The following DCC variants were observed in gnomAD, a reference collection of about 807,000 sequenced individuals.
DCC encodes netrin receptor DCC.
In DCC, 58 loss-of-function variants were observed where a neutral mutation model predicts 172.5. The ratio of observed to expected loss-of-function variants is 0.34; its 90% CI spans 0.27 to 0.42. The LOEUF is 0.42. Ranked by LOEUF, DCC falls within the 10% of genes least tolerant of loss-of-function variation. The probability of loss-of-function intolerance (pLI) is 1.00; values close to 1 mark genes in which losing one functional copy is unlikely to be tolerated. For missense variants in DCC, 1,740 were observed against 1,791.0 expected (o/e 0.97, Z 0.51); for synonymous variants, 709 against 644.5 (o/e 1.10, Z -1.52).
chr18:52,787,775 C>G (rs1207533579), intron 2 of DCC, among the ~76,000 whole-genome samples: 3 of 151,952 alleles, frequency 2.0e-5, no homozygotes, highest in African/African-American at 7.3e-5. Flanking sequence ...AATAGAATCC[C>G]AGATTACCAT....
chr18:53,493,232 G>C (rs867604467), intron 26 of DCC, among the ~76,000 whole-genome samples: 2 of 152,184 alleles, frequency 1.3e-5, no homozygotes, highest in African/African-American at 2.4e-5. Flanking sequence ...GGGCTGAGAT[G>C]ATGGGGTTTT....
At chr18:52,930,944 A>C (rs930127167) in intron 5 of DCC, among the ~76,000 whole-genome samples, 3 of 152,120 alleles carry the variant, frequency 2.0e-5, no homozygotes, top group Admixed American at 1.3e-4. Context: ...TGTTTAAATT[A>C]GAAGCATGAT....
At chr18:52,675,476 C>T (rs889163283) in intron 1 of DCC, among the ~76,000 whole-genome samples, 3 of 152,132 alleles carry the variant, frequency 2.0e-5, no homozygotes, top group African/African-American at 2.4e-5. Context: ...ACCAAATCAA[C>T]GTATTTCCTA....
intron 9 of DCC, among the ~76,000 whole-genome samples, chr18:53,200,937 C>T (rs975456978): frequency 6.6e-6 from 1 of 152,120 alleles, no homozygotes; most frequent in African/African-American, 2.4e-5. Flanking sequence ...GTGATATGGG[C>T]ACACCTCACA....
At chr18:53,227,180 C>T (rs192705618) in intron 12 of DCC, among the ~76,000 whole-genome samples, 57 of 151,556 alleles carry the variant, frequency 3.8e-4, no homozygotes, top group Admixed American at 6.6e-4. Context: ...ATCTACTGAC[C>T]TCGTGATCTG....
chr18:53,243,960 A>T (rs1446225552), intron 12 of DCC, among the ~76,000 whole-genome samples: 6 of 152,188 alleles, frequency 3.9e-5, no homozygotes, highest in Non-Finnish European at 1.5e-5. Flanking sequence ...ATGCCCTAAA[A>T]TTCTAAGCAA....
chr18:53,358,365 T>G (rs1409590907), intron 15 of DCC, among the ~76,000 whole-genome samples: 2 of 151,944 alleles, frequency 1.3e-5, no homozygotes, highest in African/African-American at 4.8e-5. Context: ...GTTGTTTACT[T>G]ACAAAAAAAA....
At chr18:53,145,416 G>C (rs995766148) in intron 7 of DCC, among the ~76,000 whole-genome samples, 1 of 152,122 alleles carries the variant, frequency 6.6e-6, no homozygotes, top group Middle Eastern at 3.4e-3. Flanking sequence ...CCCAGCCCAG[G>C]GCTCTGCTTT....
chr18:53,355,317 A>G (rs551568515), intron 15 of DCC, among the ~76,000 whole-genome samples: 55 of 152,056 alleles, frequency 3.6e-4, no homozygotes, highest in African/African-American at 1.3e-3. Flanking sequence ...GAAAAAAGTC[A>G]TTGGTAGCTT....
At chr18:53,470,546 C>T (rs1003097951) in intron 25 of DCC, among the ~76,000 whole-genome samples, 1 of 152,140 alleles carries the variant, frequency 6.6e-6, no homozygotes, top group African/African-American at 2.4e-5. Context: ...TACCAATTTA[C>T]TGTATTAGTC....
intron 1 of DCC, among the ~76,000 whole-genome samples, chr18:52,402,300 T>C (rs1568152323): frequency 1.3e-5 from 2 of 152,040 alleles, no homozygotes; most frequent in Non-Finnish European, 2.9e-5. Context: ...TGGTTCATTT[T>C]GGGTGATCAG....
At chr18:53,464,835 C>T (rs570242499) in intron 24 of DCC, among the ~76,000 whole-genome samples, 2 of 151,610 alleles carry the variant, frequency 1.3e-5, no homozygotes, top group Non-Finnish European at 2.9e-5. Flanking sequence ...CAAAATTAGC[C>T]AGACGTGGTG....
At chr18:53,145,306 G>A (rs1229984658) in intron 7 of DCC, among the ~76,000 whole-genome samples, 1 of 151,952 alleles carries the variant, frequency 6.6e-6, no homozygotes, top group Non-Finnish European at 1.5e-5. Flanking sequence ...GAAGAGACGG[G>A]GTTTCACAGT....
At chr18:52,460,803 C>T (rs1354777816) in intron 1 of DCC, among the ~76,000 whole-genome samples, 1 of 152,096 alleles carries the variant, frequency 6.6e-6, no homozygotes, top group East Asian at 1.9e-4. Flanking sequence ...AATGGAAGAT[C>T]TACATAGGGA....
At chr18:52,448,000 G>A (rs1988178211) in intron 1 of DCC, among the ~76,000 whole-genome samples, 1 of 152,128 alleles carries the variant, frequency 6.6e-6, no homozygotes, top group South Asian at 2.1e-4. Context: ...TTGGAGTCTG[G>A]AGAATGGTGA....
intron 21 of DCC, among the ~76,000 whole-genome samples, chr18:53,426,885 G>A (rs1255622612): frequency 6.6e-6 from 1 of 152,088 alleles, no homozygotes; most frequent in Non-Finnish European, 1.5e-5. Context: ...GCACCAGCAG[G>A]GTGCTCATGT....
intron 12 of DCC, among the ~76,000 whole-genome samples, chr18:53,255,210 GTTTT>G (rs1229265935): frequency 6.7e-6 from 1 of 149,598 alleles, no homozygotes; most frequent in African/African-American, 2.5e-5. Context: ...GAGGTTTTTT[GTTTT>G]TTTTTCTATT....
At chr18:52,742,291 CCTT>C (rs1049405987) in intron 1 of DCC, among the ~76,000 whole-genome samples, 13 of 152,284 alleles carry the variant, frequency 8.5e-5, no homozygotes, top group African/African-American at 3.1e-4. Flanking sequence ...CTCAATGAAA[CCTT>C]CTCCAAATCC....
intron 7 of DCC, among the ~76,000 whole-genome samples, chr18:53,136,393 A>G (rs961921659): frequency 2.6e-5 from 4 of 152,134 alleles, no homozygotes; most frequent in Non-Finnish European, 5.9e-5. Flanking sequence ...AATTTTGGTT[A>G]CTATACCAAA....
Sources: gnomAD v4.1 joint callset for allele counts (sites outside exome capture counted in the v4.1 genomes callset) on GRCh38, gnomAD v4.1.1 for gene constraint, MANE v1.5 for transcripts, NCBI Gene and HGNC (gene_info 2026-07-23, HGNC 2026-07-21) for gene names.